The following TM9SF1 variants were observed in gnomAD, a reference collection of about 807,000 sequenced individuals.
TM9SF1 encodes the protein MP70 protein family member.
TM9SF1 carries 25 observed loss-of-function variants against 52.4 expected under a neutral mutation model. That is an observed-to-expected ratio of 0.48 (90% confidence interval 0.35 to 0.67). The LOEUF is 0.67. Ranked by LOEUF, TM9SF1 falls within the 30% of genes least tolerant of loss-of-function variation. The pLI, the probability that TM9SF1 is intolerant of heterozygous loss-of-function variation, is 0.01. For missense variants in TM9SF1, 604 were observed against 780.3 expected, an observed-to-expected ratio of 0.77 and a Z score of 2.69; for synonymous variants, 284 against 299.8, an observed-to-expected ratio of 0.95 and a Z score of 0.55.
chr14:24,190,752 A>G, intron 4 of TM9SF1, 99 bp from the exon 5 acceptor site: 1 of 1,091,772 alleles, frequency 9.2e-7, no homozygotes, highest in Non-Finnish European at 1.3e-6. Flanking sequence ...GGGCTGAAGC[A>G]GCCTGCCACT....
chr14:24,192,575 AC>A lies in TM9SF1; in HGVS notation c.967+72del. ...TCTGGATAGAAGAGAAGATCCACAG[AC>A]CTTTTCTGAACAAACTCCCTACCTA... On this transcript the variant is annotated intron_variant, in intron 3 of 5. Coordinates refer to ENST00000261789, the MANE Select transcript of TM9SF1 (RefSeq NM_006405.7). This position sits in a 1 kb window ranked among gnomAD's most constrained non-coding sequence, Gnocchi z 4.0. 1 of 1,504,976 alleles carries A rather than the reference AC, an allele frequency of 6.6e-7. No homozygotes were observed. Among genetic ancestry groups the A allele is most frequent in the Non-Finnish European group, 8.9e-7 (1 of 1,126,132 alleles). 93.2% of individuals were successfully genotyped at this position (1,504,976 alleles called of 1,614,324 possible).
At chr14:24,195,295 G>C (rs922161000) in intron 1 of TM9SF1, 51 bp downstream of exon 1, 1 of 444,482 alleles carries the variant, frequency 2.2e-6, no homozygotes, top group Non-Finnish European at 4.1e-6. Context: ...TGGCAACGCC[G>C]CTCGGTCTCG....
intron 5 of TM9SF1, 23 bp from the exon 6 acceptor site, chr14:24,189,831 A>G (rs771560239): frequency 6.3e-7 from 1 of 1,581,822 alleles, no homozygotes; most frequent in African/African-American, 1.4e-5. Flanking sequence ...GAGATGATAC[A>G]CAGCATTAAA....
Position 24,194,660 on chromosome 14 carries a change from T to A in TM9SF1, c.345+15A>T, listed in dbSNP as rs766046290. On this transcript the variant is annotated intron_variant, in intron 2 of 5. Transcript: ENST00000261789. The stretch of plus-strand genomic sequence containing the variant: ...GGAAGGAGGGCTACGTGATAGCCAA[T>A]GTGGAGAGGCTGACCTGTGCAGAAC... 4 of 1,609,418 alleles carry A rather than the reference T, an allele frequency of 2.5e-6. No individual in the cohort carries two copies. Among genetic ancestry groups the A allele is most frequent in the Middle Eastern group, 3.3e-4 (2 of 6,040 alleles).
At chr14:24,194,132 C>G (rs894209361) in intron 2 of TM9SF1, among the ~76,000 whole-genome samples, 7 of 152,166 alleles carry the variant, frequency 4.6e-5, no homozygotes, top group African/African-American at 1.7e-4. Flanking sequence ...AAAACTGTTC[C>G]CTGTTGACAA....
At position 24,189,468 on chromosome 14, in the gene TM9SF1, A is replaced by C. The variant is rs951798049; in HGVS notation, c.1768T>G (p.Phe590Val). 5 of 1,614,046 alleles carry C rather than the reference A, an allele frequency of 3.1e-6. No homozygotes were observed. The African/African-American group carries it at 6.7e-5, about 22-fold the overall frequency. Residue 590 changes from phenylalanine to valine, a missense_variant, in exon 6 of 6, where the codon TTT becomes GTT. Around this residue, in one of 3 missense-constraint regions of TM9SF1, gnomAD observed 107 missense variants for 180.5 expected, o/e 0.59. Transcript: ENST00000261789. ...TACCGGATGAACTTTAGGGAAGAAA[A>C]AAAGGAGATGGTGCCCAGCATGAGG... ...FFLMLGTISFFSSLKFIRYIY... is the reference protein window; with the variant it reads ...FFLMLGTISFVSSLKFIRYIY...
Position 24,194,982 on chromosome 14 carries a change from T to C in TM9SF1, c.38A>G (p.Gln13Arg). Residue 13 changes from glutamine (Q) to arginine (R), a missense_variant, in exon 2 of 6, where the codon CAG becomes CGG. By Grantham distance (43) the Gln-to-Arg change is conservative (BLOSUM62 1). Transcript: ENST00000261789. ...VVGNPRSWSC[Q>R]WLPILILLLG... is the part of the protein sequence containing the mutation. The stretch of plus-strand genomic sequence containing the variant: ...CAACAGTATCAGGATTGGCAACCAC[T>C]GGCAGCTCCAACTTCGAGGGTTCCC... 1 of 1,614,134 alleles carries C rather than the reference T, an allele frequency of 6.2e-7. No individual in the cohort carries two copies. The highest frequency in any genetic ancestry group is 8.5e-7 in the Non-Finnish European group (1 of 1,180,006).
intron 4 of TM9SF1, chr14:24,191,808 T>G: frequency 1.0e-5 from 2 of 197,586 alleles, no homozygotes; most frequent in Non-Finnish European, 1.1e-5. Flanking sequence ...AGTTCTATGA[T>G]GTGTTCTTTT....
rs758110435 is a variant in TM9SF1 at position 24,190,557 on chromosome 14, G to A, written c.1250C>T (p.Thr417Met). Residue 417 changes from threonine (T) to methionine (M), a missense_variant, in exon 5 of 6, where the codon ACG becomes ATG. By Grantham distance (81) the Thr-to-Met change is moderately conservative (BLOSUM62 -1). This residue lies in a region of TM9SF1 where 450 missense variants were observed against 560.1 expected (regional missense o/e 0.80). Transcript: ENST00000261789. ...GGGAAAGCCCACCAGCAGCCAAACC[G>A]TCAGAAGCAGCAGGATGGTTGTGGC... ...LPATTILLLL[T>M]VWLLVGFPLT... is the part of the protein sequence containing the mutation. The A allele has an allele frequency of 1.7e-5, 27 of 1,614,054 alleles. No individual in the cohort carries two copies. The highest frequency in any genetic ancestry group is 1.6e-4 in the Middle Eastern group (1 of 6,084).
In TM9SF1 at chr14:24,192,944, T is replaced by C; in HGVS notation, c.671A>G (p.Asp224Gly). The C allele has an allele frequency of 6.2e-7, 1 of 1,614,074 alleles. No homozygotes were observed. Among genetic ancestry groups the C allele is most frequent in the African/African-American group, 1.3e-5 (1 of 75,018 alleles). The stretch of plus-strand genomic sequence containing the variant: ...CAGTGTTCGAGGAAAGAAACCACCA[T>C]CGTCACCACGGCGCCTGTCACTCCG... Reference protein sequence around the residue: ...ERRSDRRRGDDGGFFPRTLEI... With the variant: ...ERRSDRRRGDGGGFFPRTLEI... The change falls in exon 3 of 6, where the codon GAT becomes GGT. Residue 224 changes from aspartate (D) to glycine (G), a missense_variant. Transcript: ENST00000261789. The surrounding 1 kb of genome is among the most constrained non-coding windows in gnomAD (Gnocchi z 4.0).
In TM9SF1 at chr14:24,192,709, T is replaced by G; in HGVS notation, c.906A>C (p.Pro302=). ...GCACAGCACAGAGCAGACCACGGTA[T>G]GGGGGGAAGCGGAAGACATCTGTAT... ...IIHTDVFRFP[P]YRGLLCAVLG... is the part of the protein sequence containing the mutation. Residue 302 remains proline, a synonymous_variant, in exon 3 of 6, where the codon CCA becomes CCC. Transcript: ENST00000261789. This position sits in a 1 kb window ranked among gnomAD's most constrained non-coding sequence, Gnocchi z 4.0. 6.2e-7 allele frequency: 1 copy of G among 1,611,494 alleles called. No individual in the cohort carries two copies. The highest frequency in any genetic ancestry group is 8.5e-7 in the Non-Finnish European group (1 of 1,178,454).
rs1425099238 is a variant in TM9SF1, at chr14:24,193,882, G to A, written c.346-613C>T. On this transcript the variant is annotated intron_variant, in intron 2 of 5. Coordinates refer to ENST00000261789, the MANE Select transcript of TM9SF1 (RefSeq NM_006405.7). ...TTGCAGTGAGCCGAGATTGCGCCAC[G>A]GCACTCCAGCCTGGGCGACAGAGCA... Among the ~76,000 whole-genome samples, 9 of 150,872 alleles carry A rather than the reference G, an allele frequency of 6.0e-5. No individual in the cohort carries two copies. The East Asian group carries it at 6.0e-4, about 10-fold the overall frequency.
intron 2 of TM9SF1, among the ~76,000 whole-genome samples, 160 bp from the exon 3 acceptor site, chr14:24,193,429 C>T (rs369129704): frequency 6.4e-4 from 98 of 151,968 alleles, no homozygotes; most frequent in African/African-American, 2.2e-3. Flanking sequence ...TGCAGTGGTG[C>T]GATCTCGGCT....
At chr14:24,194,651 G>A (rs772923803) in intron 2 of TM9SF1, 24 bp downstream of exon 2, 6 of 1,593,220 alleles carry the variant, frequency 3.8e-6, no homozygotes, top group South Asian at 2.2e-5. Flanking sequence ...AGGGCTACGT[G>A]ATAGCCAATG....
chr14:24,189,338 C>T lies in TM9SF1; in HGVS notation c.*77G>A. 1 of 1,465,148 alleles carries T rather than the reference C, an allele frequency of 6.8e-7. No homozygotes were observed. Among genetic ancestry groups the T allele is most frequent in the Non-Finnish European group, 9.2e-7 (1 of 1,091,952 alleles). 90.8% of individuals were successfully genotyped at this position (1,465,148 alleles called of 1,614,324 possible). A position where few individuals can be genotyped will look rare whatever the true frequency, so the allele number is the denominator to read the frequency against. ...AATGCCATCACACAATTCAGTCAAT[C>T]AGAAGAGAAGCTGGTAGGAGAGTTC... On this transcript the variant is annotated 3_prime_UTR_variant, in exon 6 of 6. Transcript: ENST00000261789.
chr14:24,193,343 T>G lies in TM9SF1; in HGVS notation c.346-74A>C, dbSNP rs924730654. The G allele has an allele frequency of 1.5e-5, 22 of 1,468,620 alleles. No individual in the cohort carries two copies. In the South Asian group the frequency reaches 2.6e-4, roughly 17 times the overall value. 91.0% of individuals were successfully genotyped at this position (1,468,620 alleles called of 1,614,324 possible). On this transcript the variant is annotated intron_variant, in intron 2 of 5. Coordinates refer to ENST00000261789, the MANE Select transcript of TM9SF1 (RefSeq NM_006405.7). ...AGAGTTACAGCAAAGTTTCTCACCT[T>G]CAGCACTACTGATATTTTGGGGTGG...
In TM9SF1 at chr14:24,189,558, T is replaced by A; in HGVS notation, c.1678A>T (p.Met560Leu). ...TCTACTGTCTGTACTGCCCCAGACA[T>A]GTTGGAGCGCCGGGCATAATAGAAA... ...SVFYYARRSN[M>L]SGAVQTVEFF... Residue 560 changes from methionine to leucine, a missense_variant, in exon 6 of 6, where the codon ATG becomes TTG. Physicochemically the swap from Met to Leu is conservative, Grantham distance 15. This residue lies in a region of TM9SF1 where 107 missense variants were observed against 180.5 expected (regional missense o/e 0.59). Coordinates refer to ENST00000261789, the MANE Select transcript of TM9SF1 (RefSeq NM_006405.7). The A allele has an allele frequency of 1.2e-6, 2 of 1,614,000 alleles. No individual in the cohort carries two copies. The highest frequency in any genetic ancestry group is 8.5e-7 in the Non-Finnish European group (1 of 1,180,002).
chr14:24,190,766 AC>A (rs1350475140), intron 4 of TM9SF1, 113 bp from the exon 5 acceptor site: 1 of 889,926 alleles, frequency 1.1e-6, no homozygotes, highest in Non-Finnish European at 1.7e-6. Context: ...TGCCACTCTA[AC>A]GGCAGACTCA....
intron 4 of TM9SF1, 80 bp from the exon 5 acceptor site, chr14:24,190,733 A>C: frequency 3.0e-6 from 4 of 1,338,682 alleles, no homozygotes; most frequent in Non-Finnish European, 4.0e-6. Flanking sequence ...CCAGGACCAA[A>C]AGGGGAGGGG....
Sources: allele counts gnomAD v4.1 joint callset (sites outside exome capture counted in the v4.1 genomes callset), GRCh38; gene constraint gnomAD v4.1.1; regional missense constraint gnomAD v4.1.1; non-coding constraint Gnocchi (gnomAD v3.1); transcripts MANE v1.5; gene names NCBI Gene and HGNC (gene_info 2026-07-23, HGNC 2026-07-21).